Variants in NCOA7 observed in about 807,000 individuals in gnomAD.
The protein encoded by NCOA7 is nuclear receptor coactivator 7, also known as 140 kDa estrogen receptor-associated protein.
A neutral mutation model predicts 104.3 loss-of-function variants in NCOA7; 45 were observed. The observed-to-expected ratio is 0.43, with a 90% CI of 0.34 to 0.55. The LOEUF is 0.55. Among genes scored for constraint, NCOA7 ranks in the 20% least tolerant of loss-of-function variants. The pLI, the probability that NCOA7 is intolerant of heterozygous loss-of-function variation, is 0.02. For missense variants in NCOA7, 1,041 were observed against 1,119.7 expected (o/e 0.93, Z 1.00); for synonymous variants, 398 against 402.3 (o/e 0.99, Z 0.13).
intron 13 of NCOA7, among the ~76,000 whole-genome samples, chr6:125,924,823 G>T (rs781737099): frequency 8.5e-5 from 13 of 152,176 alleles, no homozygotes; most frequent in Non-Finnish European, 1.6e-4. Context: ...AGAAGATGGG[G>T]CACTCTCTTC....
chr6:125,843,186 T>C (rs1273783784), intron 2 of NCOA7, among the ~76,000 whole-genome samples: 1 of 152,166 alleles, frequency 6.6e-6, no homozygotes, highest in Non-Finnish European at 1.5e-5. Context: ...TATGCAATCC[T>C]AAGTGTCCAT....
At chr6:125,919,303 A>G (rs1787357845) in intron 11 of NCOA7, 2 of 1,612,614 alleles carry the variant, frequency 1.2e-6, no homozygotes, top group African/African-American at 1.3e-5. Context: ...GAAGCAGAGT[A>G]GAGAGAAAAC....
chr6:125,873,241 C>T (rs1783079435), intron 3 of NCOA7, among the ~76,000 whole-genome samples: 1 of 152,182 alleles, frequency 6.6e-6, no homozygotes, highest in African/African-American at 2.4e-5. Context: ...ATTACTGGTC[C>T]AAGCCGGGCT....
At chr6:125,893,451 A>C (rs1784769546) in intron 10 of NCOA7, among the ~76,000 whole-genome samples, 1 of 152,216 alleles carries the variant, frequency 6.6e-6, no homozygotes, top group Admixed American at 6.5e-5. Flanking sequence ...CTTTTTAAAA[A>C]TGTTTACTTT....
intron 2 of NCOA7, among the ~76,000 whole-genome samples, chr6:125,847,418 C>G (rs1045267108): frequency 2.0e-5 from 3 of 152,162 alleles, no homozygotes; most frequent in African/African-American, 7.2e-5. Context: ...CGGTGACTGG[C>G]TGGTGGCTAC....
At chr6:125,820,326 T>C (rs1213253699) in intron 2 of NCOA7, among the ~76,000 whole-genome samples, 2 of 152,228 alleles carry the variant, frequency 1.3e-5, no homozygotes, top group African/African-American at 2.4e-5. Flanking sequence ...CTCTGGCAAG[T>C]CTTCTAAGCT....
At chr6:125,919,177 T>G in intron 11 of NCOA7, 2 of 1,478,720 alleles carry the variant, frequency 1.4e-6, no homozygotes, top group East Asian at 2.3e-5. Flanking sequence ...AATTTGGGTG[T>G]GTTCCTGTAG....
chr6:125,786,571 GT>G (rs1359665103), upstream of NCOA7, among the ~76,000 whole-genome samples: 2 of 133,834 alleles, frequency 1.5e-5, no homozygotes, highest in African/African-American at 5.4e-5. Context: ...AATAATCATT[GT>G]CTTTTTTTTT....
At chr6:125,882,797 G>A (rs2128648821) in intron 7 of NCOA7, among the ~76,000 whole-genome samples, 1 of 152,072 alleles carries the variant, frequency 6.6e-6, no homozygotes, top group South Asian at 2.1e-4. Flanking sequence ...TTTTAGTTTG[G>A]GCCTATGAAT....
In NCOA7 at chr6:125,886,516, G is replaced by T. The variant is rs370108178; in HGVS notation, c.884+1173G>T. 3.3e-5 allele frequency among the ~76,000 whole-genome samples: 5 copies of T among 152,244 alleles called. No individual in the cohort carries two copies. In the South Asian group the frequency reaches 6.2e-4, roughly 19 times the overall value. On this transcript the variant is annotated intron_variant, in intron 8 of 15. Transcript: ENST00000392477. ...ATGTGAGATTATGTTTAATGATCTC[G>T]ATTACAAGGGATAATGCCATGATTA...
Position 125,815,031 on chromosome 6 carries a change from G to A in NCOA7, c.-64-260G>A, listed in dbSNP as rs142760686. On this transcript the variant is annotated intron_variant, in intron 1 of 15. Transcript: ENST00000392477. ...TCAGTGAAGGTTTTTATTTTGGCAT[G>A]TTTTAAAATAGTTGTTAGTTGTGAG... 3.9e-5 allele frequency among the ~76,000 whole-genome samples: 6 copies of A among 152,194 alleles called. No homozygotes were observed. In the East Asian group the frequency reaches 1.2e-3, roughly 29 times the overall value.
Position 125,929,081 on chromosome 6 carries a change from G to T in NCOA7, c.*310G>T, listed in dbSNP as rs1788297409. The stretch of plus-strand genomic sequence containing the variant: ...GAGTTGAATGCAATTTTTATTTTTG[G>T]TAACTGTGAAAAATAAGATACTGTG... On this transcript the variant is annotated 3_prime_UTR_variant, in exon 16 of 16. Transcript: ENST00000392477. The T allele has an allele frequency of 1.5e-5, 3 of 205,086 alleles. No homozygotes were observed. Among genetic ancestry groups the T allele is most frequent in the South Asian group, 3.2e-4 (2 of 6,278 alleles). The allele number at this position is 205,086 out of a possible 1,614,324, so 12.7% of individuals were successfully genotyped here.
At chr6:125,925,973 C>T (rs1787990252) in intron 13 of NCOA7, among the ~76,000 whole-genome samples, 1 of 152,114 alleles carries the variant, frequency 6.6e-6, no homozygotes, top group South Asian at 2.1e-4. Flanking sequence ...CCAATATCAT[C>T]CAGCCCTTAG....
At chr6:125,826,123 C>T (rs1482694901) in intron 2 of NCOA7, among the ~76,000 whole-genome samples, 3 of 151,880 alleles carry the variant, frequency 2.0e-5, no homozygotes, top group Non-Finnish European at 2.9e-5. Flanking sequence ...CTCAGGAGTT[C>T]GAGACCAGCT....
chr6:125,794,221 A>G (rs1292939525), intron 1 of NCOA7, among the ~76,000 whole-genome samples: 1 of 152,192 alleles, frequency 6.6e-6, no homozygotes, highest in African/African-American at 2.4e-5. Flanking sequence ...TCATGCAAGA[A>G]ATTCCATTTA....
At chr6:125,831,466 T>C (rs1779176743) in intron 2 of NCOA7, among the ~76,000 whole-genome samples, 1 of 152,070 alleles carries the variant, frequency 6.6e-6, no homozygotes. Context: ...TTATTTCTTT[T>C]GAAAACCAGG....
At chr6:125,843,458 T>C (rs575310874) in intron 2 of NCOA7, among the ~76,000 whole-genome samples, 1 of 152,274 alleles carries the variant, frequency 6.6e-6, no homozygotes, top group East Asian at 1.9e-4. Context: ...CCATAGGGAA[T>C]TAATACATCC....
intron 1 of NCOA7, among the ~76,000 whole-genome samples, chr6:125,784,524 T>TGTACTCTTG (rs935475622): frequency 1.3e-5 from 2 of 152,214 alleles, no homozygotes; most frequent in African/African-American, 4.8e-5. Flanking sequence ...ACTCAGCAAA[T>TGTACTCTTG]GTACTCTTGG....
chr6:125,816,535 A>G (rs1777607369), intron 2 of NCOA7, among the ~76,000 whole-genome samples: 1 of 152,226 alleles, frequency 6.6e-6, no homozygotes, highest in Non-Finnish European at 1.5e-5. Context: ...CAATTGTAGT[A>G]AAATATTTTC....
Sources: allele counts gnomAD v4.1 joint callset (sites outside exome capture counted in the v4.1 genomes callset), GRCh38; gene constraint gnomAD v4.1.1; transcripts MANE v1.5; gene names NCBI Gene and HGNC (gene_info 2026-07-23, HGNC 2026-07-21).